Variants in GPALPP1 observed in about 807,000 individuals in gnomAD.
GPALPP1 encodes GPALPP motifs containing 1.
Under a neutral mutation model 38.9 loss-of-function variants are expected in GPALPP1, and 30 were observed. The observed-to-expected ratio is 0.77, with a 90% CI of 0.58 to 1.05. The LOEUF is 1.05. Among genes scored for constraint, GPALPP1 ranks in the 50% least tolerant of loss-of-function variants. GPALPP1 has a pLI of 0.00. For missense variants in GPALPP1, 384 were observed against 408.8 expected, an observed-to-expected ratio of 0.94 and a Z score of 0.52; for synonymous variants, 120 against 139.2, an observed-to-expected ratio of 0.86 and a Z score of 0.97.
rs1873916581 is a variant in GPALPP1 at position 45,004,332 on chromosome 13, A to T, written c.116A>T (p.Tyr39Phe). ...PVAGPALPPNYKSSSSDSSDS... is the reference protein window; with the variant it reads ...PVAGPALPPNFKSSSSDSSDS... ...GCAGGACCAGCTCTGCCCCCTAATT[A>T]TAAAAGCAGTAGTTCAGATTCATCA... The change falls in exon 2 of 8, where the codon TAT (tyrosine) becomes TTT (phenylalanine). Residue 39 changes from tyrosine (Y) to phenylalanine (F), a missense_variant. Coordinates refer to ENST00000379151, the MANE Select transcript of GPALPP1 (RefSeq NM_018559.5). 6.2e-7 allele frequency: 1 copy of T among 1,612,090 alleles called. No homozygotes were observed. The highest frequency in any genetic ancestry group is 1.3e-5 in the African/African-American group (1 of 74,902).
intron 1 of GPALPP1, among the ~76,000 whole-genome samples, chr13:44,994,923 G>A (rs542503462): frequency 8.6e-5 from 13 of 151,454 alleles, no homozygotes; most frequent in Admixed American, 2.0e-4. Flanking sequence ...GCACAATCTC[G>A]GCTCACCACA....
chr13:44,996,673 G>A (rs1459637216), intron 1 of GPALPP1, among the ~76,000 whole-genome samples: 1 of 151,710 alleles, frequency 6.6e-6, no homozygotes, highest in African/African-American at 2.4e-5. Flanking sequence ...AGTAGAGATG[G>A]GGTTTCACCA....
At chr13:45,003,938 GTTTT>G (rs772992796) in intron 1 of GPALPP1, among the ~76,000 whole-genome samples, 4 of 150,452 alleles carry the variant, frequency 2.7e-5, no homozygotes, top group Admixed American at 6.6e-5. Flanking sequence ...AGCCATTGGG[GTTTT>G]TTTTTGTTTG....
At chr13:45,006,506 A>G (rs1001318821) in intron 3 of GPALPP1, among the ~76,000 whole-genome samples, 1 of 152,242 alleles carries the variant, frequency 6.6e-6, no homozygotes, top group Non-Finnish European at 1.5e-5. Context: ...CATAGTTTAC[A>G]AAAAACTTCC....
At chr13:45,010,478 A>AT (rs993991206) in intron 4 of GPALPP1, among the ~76,000 whole-genome samples, 5 of 151,970 alleles carry the variant, frequency 3.3e-5, no homozygotes, top group South Asian at 2.1e-4. Context: ...AATAACAGAG[A>AT]TTTTTTTTAT....
At position 45,004,440 on chromosome 13, in the gene GPALPP1, C is replaced by T; in HGVS notation, c.221+3C>T. 1 of 1,605,718 alleles carries T rather than the reference C, an allele frequency of 6.2e-7. No homozygotes were observed. Among genetic ancestry groups the T allele is most frequent in the South Asian group, 1.1e-5 (1 of 90,552 alleles). ...GATGACAGTGGTCCAACTGCAAGGT[C>T]AGTCATTTAATTAAATTAAATGATA... On this transcript the variant is annotated splice_donor_region_variant and intron_variant, in intron 2 of 7. Coordinates refer to ENST00000379151, the MANE Select transcript of GPALPP1 (RefSeq NM_018559.5).
chr13:45,024,935 T>C (rs983976374), intron 7 of GPALPP1, among the ~76,000 whole-genome samples: 3 of 152,076 alleles, frequency 2.0e-5, no homozygotes, highest in Non-Finnish European at 2.9e-5. Flanking sequence ...AAAATGTAAA[T>C]TTAATTTACT....
At chr13:45,035,360 A>G (rs905008167) in exon 8 of GPALPP1, 5 of 152,190 alleles carry the variant, frequency 3.3e-5, no homozygotes, top group Non-Finnish European at 7.3e-5. Context: ...GAATTGCCCA[A>G]ATGTGTCTGA....
At position 45,015,449 on chromosome 13, in the gene GPALPP1, T is replaced by C. The variant is rs770959723; in HGVS notation, c.558T>C (p.Ile186=). 6.3e-7 allele frequency: 1 copy of C among 1,593,420 alleles called. No individual in the cohort carries two copies. The change falls in exon 6 of 8, where the codon ATT becomes ATC. Residue 186 remains isoleucine, a synonymous_variant. Coordinates refer to ENST00000379151, the MANE Select transcript of GPALPP1 (RefSeq NM_018559.5). ...TCTTAAAGGATTCATCTAAACCCAT[T>C]GTAAGAGAGTCATGGATGACTGAAC... The part of the protein sequence containing the change: ...TKGDDDSSKP[I]VRESWMTELP...
At chr13:44,989,770 C>G in intron 1 of GPALPP1, 28 bp downstream of exon 1, 1 of 1,538,906 alleles carries the variant, frequency 6.5e-7, no homozygotes, top group Non-Finnish European at 8.9e-7. Context: ...CGCTGCCCAC[C>G]AGGCCCATCT....
intron 1 of GPALPP1, among the ~76,000 whole-genome samples, chr13:45,000,142 T>C (rs1224684844): frequency 1.3e-5 from 2 of 152,152 alleles, no homozygotes; most frequent in Admixed American, 6.5e-5. Context: ...TAGCACCAGG[T>C]GTGGTGGCTC....
intron 1 of GPALPP1, chr13:45,002,098 C>T (rs45460499): frequency 0.053 from 8,124 of 152,474 alleles, 288 homozygotes; most frequent in South Asian, 0.075. Context: ...CATGTCTGTC[C>T]TGACCCACAA....
At chr13:45,012,327 C>T (rs1452213771) in intron 4 of GPALPP1, among the ~76,000 whole-genome samples, 1 of 151,850 alleles carries the variant, frequency 6.6e-6, no homozygotes, top group Non-Finnish European at 1.5e-5. Flanking sequence ...AACCTACTTT[C>T]AAATGGTTCT....
chr13:45,027,704 CTATT>C (rs61199320), intron 7 of GPALPP1, 77 bp from the exon 8 acceptor site: 28,957 of 681,414 alleles, frequency 0.042, 996 homozygotes, highest in East Asian at 0.13. Context: ...CCATTACTAT[CTATT>C]CCGTTTCATG....
Position 45,027,796 on chromosome 13 carries a change from A to G in GPALPP1, c.816A>G (p.Arg272=). 6.5e-7 allele frequency: 1 copy of G among 1,529,224 alleles called. No individual in the cohort carries two copies. The highest frequency in any genetic ancestry group is 1.1e-5 in the South Asian group (1 of 87,754). The allele number at this position is 1,529,224 out of a possible 1,614,324, so 94.7% of individuals were successfully genotyped here. The change falls in exon 8 of 8, where the codon AGA becomes AGG. Residue 272 remains arginine (R), a synonymous_variant. Coordinates refer to ENST00000379151, the MANE Select transcript of GPALPP1 (RefSeq NM_018559.5). ...EQVSSYNESK[R]SESLMDIHHK... ...CCTGCTCTCTCCAGGAATCAAAAAGATCAGAATCTCTTATGGACATACATC... is the reference window on the plus strand; with the variant it reads ...CCTGCTCTCTCCAGGAATCAAAAAGGTCAGAATCTCTTATGGACATACATC...
intron 6 of GPALPP1, among the ~76,000 whole-genome samples, chr13:45,018,008 T>A (rs1023275627): frequency 6.6e-6 from 1 of 152,172 alleles, no homozygotes; most frequent in African/African-American, 2.4e-5. Flanking sequence ...CTTGATAGGT[T>A]CCCTCCATTC....
intron 5 of GPALPP1, 63 bp downstream of exon 5, chr13:45,015,146 A>G (rs1032104643): frequency 6.6e-6 from 7 of 1,061,110 alleles, no homozygotes; most frequent in Non-Finnish European, 9.3e-6. Flanking sequence ...TTTTAGAAAT[A>G]AACACTAAAC....
chr13:45,016,944 T>TTTTAA (rs1258193487), intron 6 of GPALPP1, among the ~76,000 whole-genome samples: 1 of 152,172 alleles, frequency 6.6e-6, no homozygotes, highest in Non-Finnish European at 1.5e-5. Context: ...TCTCTAAAGG[T>TTTTAA]TTTAATTTCT....
chr13:44,989,796 G>C (rs1362669067), intron 1 of GPALPP1, 54 bp downstream of exon 1: 12 of 1,371,164 alleles, frequency 8.8e-6, no homozygotes, highest in South Asian at 7.0e-5. Flanking sequence ...CTCCCTGGCC[G>C]GGCCCTGCTC....
Sources: gnomAD v4.1 joint callset for allele counts (sites outside exome capture counted in the v4.1 genomes callset) on GRCh38, gnomAD v4.1.1 for gene constraint, MANE v1.5 for transcripts, NCBI Gene and HGNC (gene_info 2026-07-23, HGNC 2026-07-21) for gene names.